Variants in ZMYM6 observed in about 807,000 individuals in gnomAD.
ZMYM6 encodes the protein zinc finger MYM-type protein 6.
ZMYM6 carries 90 observed loss-of-function variants against 134.0 expected under a neutral mutation model. That is an observed-to-expected ratio of 0.67 (90% CI 0.57 to 0.80). The LOEUF (loss-of-function observed/expected upper bound fraction) is 0.80, where lower values mean the gene tolerates loss of function less well. ZMYM6 is among the 30% of genes least tolerant of loss of function. ZMYM6 has a pLI of 0.00. For synonymous variants in ZMYM6, 481 were observed against 524.1 expected, an observed-to-expected ratio of 0.92 and a Z score of 1.12; for missense variants, 1,362 against 1,533.9, an observed-to-expected ratio of 0.89 and a Z score of 1.87.
intron 2 of ZMYM6, among the ~76,000 whole-genome samples, chr1:35,029,851 A>C (rs937895682): frequency 2.0e-5 from 3 of 152,198 alleles, no homozygotes; most frequent in Non-Finnish European, 4.4e-5. Flanking sequence ...CTTTTCTTCC[A>C]GAGTACTTGT....
intron 4 of ZMYM6, chr1:35,017,249 T>C (rs1354532063): frequency 6.6e-6 from 1 of 152,048 alleles, no homozygotes; most frequent in East Asian, 1.9e-4. Flanking sequence ...CATGAGAAAA[T>C]AACAACAACA....
At position 34,988,190 on chromosome 1, in the gene ZMYM6, ATATT is replaced by A. The variant is rs1557553242; in HGVS notation, c.2888_2891del (p.Lys963IlefsTer7). The A allele has an allele frequency of 1.9e-6, 3 of 1,548,686 alleles. No individual in the cohort carries two copies. The highest frequency in any genetic ancestry group is 1.2e-5 in the South Asian group (1 of 83,340). On this transcript the variant is annotated frameshift_variant, in exon 16 of 16. Transcript: ENST00000357182. LOFTEE classifies it high-confidence loss of function. ...TCCAATTCAGAGATTTACTATCAAT[ATATT>A]TATTTATTAGTTCAAATATTTCAAA...
chr1:35,027,549 G>A (rs527661855), intron 2 of ZMYM6, among the ~76,000 whole-genome samples: 1 of 151,924 alleles, frequency 6.6e-6, no homozygotes, highest in African/African-American at 2.4e-5. Flanking sequence ...AGGAGTTCAG[G>A]ACCAGCCTGG....
intron 2 of ZMYM6, among the ~76,000 whole-genome samples, chr1:35,025,447 AC>A (rs1641392408): frequency 6.9e-6 from 1 of 145,440 alleles, no homozygotes; most frequent in African/African-American, 2.6e-5. Flanking sequence ...AGCCTGGGCT[AC>A]AAAGCAAGAC....
intron 7 of ZMYM6, 59 bp downstream of exon 7, chr1:35,012,372 C>T (rs1641102709): frequency 1.9e-5 from 25 of 1,330,152 alleles, no homozygotes; most frequent in Non-Finnish European, 2.5e-5. Flanking sequence ...CAGAGAAAAG[C>T]AGTTACGTTT....
intron 15 of ZMYM6, chr1:34,990,271 G>A (rs1456484914): frequency 7.4e-6 from 2 of 271,844 alleles, no homozygotes; most frequent in African/African-American, 2.2e-5. Flanking sequence ...ATGAGGTCAC[G>A]AGTTTGAGAC....
intron 4 of ZMYM6, among the ~76,000 whole-genome samples, chr1:35,015,932 G>T (rs1016255601): frequency 1.4e-5 from 2 of 142,002 alleles, no homozygotes; most frequent in Non-Finnish European, 3.0e-5. Context: ...GACAATAAAT[G>T]AATTTTTTCT....
At chr1:35,024,434 C>T (rs1372568869) in intron 2 of ZMYM6, among the ~76,000 whole-genome samples, 1 of 152,126 alleles carries the variant, frequency 6.6e-6, no homozygotes, top group Non-Finnish European at 1.5e-5. Flanking sequence ...TTGAATGTCC[C>T]ACAAGCCCTT....
At chr1:34,989,107 A>C (rs1438995917) in intron 15 of ZMYM6, 172 bp from the exon 16 acceptor site, 4 of 1,403,734 alleles carry the variant, frequency 2.8e-6, no homozygotes, top group Non-Finnish European at 3.7e-6. Context: ...GCTACTGAAA[A>C]CTGAATTTCT....
intron 15 of ZMYM6, among the ~76,000 whole-genome samples, chr1:34,990,986 T>C (rs1417663833): frequency 6.6e-6 from 1 of 152,188 alleles, no homozygotes; most frequent in Non-Finnish European, 1.5e-5. Context: ...TTCCTCAGCC[T>C]CCTGAGTGGC....
rs555761646 is a variant in ZMYM6, at chr1:35,003,768, CA to C, written c.1992+199del. On this transcript the variant is annotated intron_variant, in intron 14 of 15. Coordinates refer to ENST00000357182, the MANE Select transcript of ZMYM6 (RefSeq NM_007167.4). The stretch of plus-strand genomic sequence containing the variant: ...CAGCAATCCACATTTACATCATCTT[CA>C]AAAACAGTAATTGCTGCCGAAATAT... 5.6e-4 allele frequency: 295 copies of C among 524,180 alleles called. 3 individuals are homozygous for C. Among genetic ancestry groups the C allele is most frequent in the African/African-American group, 5.4e-3 (270 of 50,308 alleles). The allele number at this position is 524,180 out of a possible 1,614,324, so 32.5% of individuals were successfully genotyped here.
Position 35,020,393 on chromosome 1 carries a change from C to A in ZMYM6, c.168G>T (p.Glu56Asp). ...AGTTCCATTTCTTACCAATAGGTCT[C>A]TCATTAACTGAAGACACACCACCAA... Reference protein sequence around the residue: ...LKIGGVSSVNERPIAQQLNPG... With the variant: ...LKIGGVSSVNDRPIAQQLNPG... The change falls in exon 3 of 16, where the codon GAG (glutamate) becomes GAT (aspartate). Residue 56 changes from glutamate to aspartate, a missense_variant. Physicochemically the swap from Glu to Asp is conservative, Grantham distance 45 (BLOSUM62 2). Coordinates refer to ENST00000357182, the MANE Select transcript of ZMYM6 (RefSeq NM_007167.4). The A allele has an allele frequency of 6.2e-7, 1 of 1,612,160 alleles. No individual in the cohort carries two copies. The highest frequency in any genetic ancestry group is 1.1e-5 in the South Asian group (1 of 90,914).
At chr1:35,015,309 T>C in intron 4 of ZMYM6, 147 bp from the exon 5 acceptor site, 1 of 683,110 alleles carries the variant, frequency 1.5e-6, no homozygotes, top group Non-Finnish European at 2.4e-6. Context: ...GTTTGATGAG[T>C]TCTGCTATTT....
intron 7 of ZMYM6, 63 bp from the exon 8 acceptor site, chr1:35,012,068 G>A: frequency 2.0e-6 from 2 of 1,010,616 alleles, no homozygotes; most frequent in East Asian, 2.6e-5. Context: ...ATACAAAAAT[G>A]TATTGGGAGA....
chr1:35,010,478 G>A lies in ZMYM6; in HGVS notation c.1461C>T (p.Phe487=). 1 of 1,613,512 alleles carries A rather than the reference G, an allele frequency of 6.2e-7. No individual in the cohort carries two copies. Among genetic ancestry groups the A allele is most frequent in the Non-Finnish European group, 8.5e-7 (1 of 1,179,898 alleles). ...TACAGAATGGCTTATCAACCCCTGA[G>A]AATCGCACAGTCTCCTTTATAATTT... ...LQKIIKETVR[F]SGVDKPFCSE... The change falls in exon 10 of 16, where the codon TTC becomes TTT. Residue 487 remains phenylalanine (F), a synonymous_variant. Transcript: ENST00000357182.
At chr1:35,017,541 A>G (rs1236159829) in intron 4 of ZMYM6, 2 of 152,242 alleles carry the variant, frequency 1.3e-5, no homozygotes, top group Admixed American at 1.3e-4. Context: ...CATGCAAATG[A>G]GTGTTATATC....
chr1:35,020,807 G>A (rs1276949373), intron 2 of ZMYM6, among the ~76,000 whole-genome samples: 1 of 151,864 alleles, frequency 6.6e-6, no homozygotes, highest in Non-Finnish European at 1.5e-5. Flanking sequence ...TCCTGACCTT[G>A]TGATCTACCC....
At chr1:35,013,768 T>C in intron 6 of ZMYM6, 1 of 680,972 alleles carries the variant, frequency 1.5e-6, no homozygotes, top group Non-Finnish European at 1.8e-6. Context: ...CTCAGCTCAC[T>C]GCAACCTCCA....
At chr1:35,005,109 A>G in intron 13 of ZMYM6, 23 bp downstream of exon 13, 1 of 1,613,362 alleles carries the variant, frequency 6.2e-7, no homozygotes, top group Non-Finnish European at 8.5e-7. Flanking sequence ...GGCTTAGCCA[A>G]ATGCCATTAT....
Sources: allele counts gnomAD v4.1 joint callset (sites outside exome capture counted in the v4.1 genomes callset), GRCh38; gene constraint gnomAD v4.1.1; transcripts MANE v1.5; gene names NCBI Gene and HGNC (gene_info 2026-07-23, HGNC 2026-07-21).